DKK2: variants seen among roughly 807,000 people sequenced by gnomAD.
The protein encoded by DKK2 is dickkopf-related protein 2.
DKK2 carries 11 observed loss-of-function variants against 28.1 expected under a neutral mutation model. The ratio of observed to expected loss-of-function variants is 0.39; its 90% CI spans 0.25 to 0.65. The LOEUF is 0.65. Among genes scored for constraint, DKK2 ranks in the 30% least tolerant of loss-of-function variants. The probability of loss-of-function intolerance (pLI) is 0.47; values close to 1 mark genes in which losing one functional copy is unlikely to be tolerated. For synonymous variants in DKK2, 135 were observed against 126.5 expected, an observed-to-expected ratio of 1.07 and a Z score of -0.45; for missense variants, 326 against 335.5, an observed-to-expected ratio of 0.97 and a Z score of 0.22.
intron 1 of DKK2, among the ~76,000 whole-genome samples, chr4:106,979,551 T>C (rs1722996424): frequency 6.6e-6 from 1 of 152,108 alleles, no homozygotes. Context: ...TTAATAACTT[T>C]GGAGGGAAAA....
At chr4:106,949,752 T>C (rs928120064) in intron 1 of DKK2, among the ~76,000 whole-genome samples, 5 of 152,206 alleles carry the variant, frequency 3.3e-5, no homozygotes, top group Admixed American at 3.3e-4. Flanking sequence ...AAACTTACCA[T>C]AGCCCTGGAT....
chr4:107,004,623 G>A (rs1723410087), intron 1 of DKK2, among the ~76,000 whole-genome samples: 2 of 152,152 alleles, frequency 1.3e-5, no homozygotes, highest in South Asian at 4.1e-4. Context: ...ACATGTTATG[G>A]TAGGCAGAAT....
At position 106,979,006 on chromosome 4, in the gene DKK2, G is replaced by A. The variant is rs1722988794; in HGVS notation, c.223-53057C>T. Among the ~76,000 whole-genome samples, 3 of 152,088 alleles carry A rather than the reference G, an allele frequency of 2.0e-5. No homozygotes were observed. The South Asian group carries it at 6.2e-4, about 32-fold the overall frequency. On this transcript the variant is annotated intron_variant, in intron 1 of 3. Coordinates refer to ENST00000285311, the MANE Select transcript of DKK2 (RefSeq NM_014421.3). ...AGTCCCTCACAGCTTCCCTTGGGTA[G>A]GGGAAGGAGTTCCCCGACCTGTATT...
chr4:106,997,983 A>G (rs1194250233), intron 1 of DKK2, among the ~76,000 whole-genome samples: 1 of 152,162 alleles, frequency 6.6e-6, no homozygotes, highest in African/African-American at 2.4e-5. Flanking sequence ...GATGCTTAAC[A>G]TCAAGCTCTT....
rs927841614 is a variant in DKK2 at position 106,922,207 on chromosome 4, G to A, written c.*1747C>T. The A allele has an allele frequency of 6.6e-6, 1 of 152,282 alleles. No homozygotes were observed. Among genetic ancestry groups the A allele is most frequent in the African/African-American group, 2.4e-5 (1 of 41,448 alleles). 9.4% of individuals were successfully genotyped at this position (152,282 alleles called of 1,614,324 possible). A position where few individuals can be genotyped will look rare whatever the true frequency, so the allele number is the denominator to read the frequency against. On this transcript the variant is annotated 3_prime_UTR_variant, in exon 4 of 4. Transcript: ENST00000285311. ...TCTTAGTAAATATATGTGGGAAGTT[G>A]AAATTTTTAATAGATATACAGGCTC... is the stretch of plus-strand genomic sequence containing the variant.
At chr4:107,022,039 C>T (rs1553924612) in intron 1 of DKK2, among the ~76,000 whole-genome samples, 1 of 151,956 alleles carries the variant, frequency 6.6e-6, no homozygotes, top group Non-Finnish European at 1.5e-5. Context: ...CAGCAAAAAG[C>T]AGAATGTTTC....
chr4:106,983,012 G>A (rs1353248297), intron 1 of DKK2, among the ~76,000 whole-genome samples: 4 of 146,456 alleles, frequency 2.7e-5, no homozygotes, highest in African/African-American at 7.6e-5. Context: ...GAAAAAGAGA[G>A]AAAGGAAGGA....
At chr4:106,986,100 C>T (rs780522653) in intron 1 of DKK2, among the ~76,000 whole-genome samples, 5 of 152,162 alleles carry the variant, frequency 3.3e-5, no homozygotes, top group Non-Finnish European at 7.3e-5. Context: ...GTGCTGCACA[C>T]AGTGTAATAA....
chr4:107,005,944 T>C (rs925200929), intron 1 of DKK2, among the ~76,000 whole-genome samples: 1 of 152,206 alleles, frequency 6.6e-6, no homozygotes, highest in African/African-American at 2.4e-5. Flanking sequence ...TGGAAGCTTC[T>C]CAGGGACTAC....
intron 1 of DKK2, among the ~76,000 whole-genome samples, chr4:107,005,296 G>C (rs372089702): frequency 4.6e-4 from 66 of 142,958 alleles, no homozygotes; most frequent in African/African-American, 1.5e-3. Context: ...AGCCAAGATC[G>C]TGCCACTGCA....
At chr4:106,938,800 G>A (rs1055169797) in intron 1 of DKK2, among the ~76,000 whole-genome samples, 7 of 151,514 alleles carry the variant, frequency 4.6e-5, no homozygotes, top group Non-Finnish European at 7.4e-5. Flanking sequence ...TGCAAGGCTG[G>A]TTCAATATAC....
chr4:106,948,302 G>C (rs965786869), intron 1 of DKK2, among the ~76,000 whole-genome samples: 1 of 152,140 alleles, frequency 6.6e-6, no homozygotes, highest in Non-Finnish European at 1.5e-5. Flanking sequence ...CTCTGATTCA[G>C]TAGGTCTGTG....
At chr4:106,945,097 ACTGT>A (rs1724757689) in intron 1 of DKK2, among the ~76,000 whole-genome samples, 1 of 152,118 alleles carries the variant, frequency 6.6e-6, no homozygotes, top group Non-Finnish European at 1.5e-5. Flanking sequence ...AGAGCACAGC[ACTGT>A]CTGATACACA....
At chr4:106,951,515 G>A (rs1479415228) in intron 1 of DKK2, among the ~76,000 whole-genome samples, 1 of 152,128 alleles carries the variant, frequency 6.6e-6, no homozygotes, top group Non-Finnish European at 1.5e-5. Context: ...AAAAAAGAAT[G>A]AAACCGTGTC....
chr4:107,030,879 TAA>T (rs1172770439), intron 1 of DKK2, among the ~76,000 whole-genome samples: 1 of 152,010 alleles, frequency 6.6e-6, no homozygotes, highest in Non-Finnish European at 1.5e-5. Flanking sequence ...CTTAAAATTA[TAA>T]GTTTCAAAAT....
intron 1 of DKK2, among the ~76,000 whole-genome samples, chr4:106,929,409 A>G (rs952829801): frequency 5.9e-5 from 9 of 152,282 alleles, no homozygotes; most frequent in Non-Finnish European, 8.8e-5. Context: ...CTGCCCCACA[A>G]TTGAATCATA....
At chr4:106,968,083 G>T (rs1353387061) in intron 1 of DKK2, among the ~76,000 whole-genome samples, 1 of 149,194 alleles carries the variant, frequency 6.7e-6, no homozygotes, top group East Asian at 2.0e-4. Flanking sequence ...AGAAAGGAAG[G>T]GAAAAGGAGG....
At chr4:106,927,462 T>C (rs181554423) in intron 1 of DKK2, among the ~76,000 whole-genome samples, 118 of 152,298 alleles carry the variant, frequency 7.7e-4, no homozygotes, top group African/African-American at 2.7e-3. Flanking sequence ...TAAAGAATTA[T>C]ATAGAAAAAC....
intron 1 of DKK2, among the ~76,000 whole-genome samples, chr4:106,974,156 G>A (rs762956217): frequency 9.9e-5 from 15 of 152,096 alleles, no homozygotes; most frequent in Non-Finnish European, 2.2e-4. Flanking sequence ...TTGAGGTATA[G>A]TCTGAAGTCA....
Sources: gnomAD v4.1 joint callset for allele counts (sites outside exome capture counted in the v4.1 genomes callset) on GRCh38, gnomAD v4.1.1 for gene constraint, MANE v1.5 for transcripts, NCBI Gene and HGNC (gene_info 2026-07-23, HGNC 2026-07-21) for gene names.